Variants in DDC observed in about 807,000 individuals in gnomAD.
DDC encodes aromatic-L-amino-acid decarboxylase.
DDC carries 43 observed loss-of-function variants against 60.0 expected under a neutral mutation model. The ratio of observed to expected loss-of-function variants is 0.72; its 90% CI spans 0.56 to 0.92. The LOEUF is 0.92. Among genes scored for constraint, DDC ranks in the 40% least tolerant of loss-of-function variants. The probability of loss-of-function intolerance (pLI) is 0.00; values close to 1 mark genes in which losing one functional copy is unlikely to be tolerated. For missense variants in DDC, 573 were observed against 620.2 expected (o/e 0.92, Z 0.81); for synonymous variants, 232 against 234.6 (o/e 0.99, Z 0.10).
chr7:50,463,416 TC>T lies in DDC; in HGVS notation c.1257del (p.Asn420MetfsTer8). On this transcript the variant is annotated frameshift_variant, in exon 14 of 15. Coordinates refer to ENST00000444124, the MANE Select transcript of DDC (RefSeq NM_001082971.2). LOFTEE classifies it high-confidence loss of function. ...VCFRLKGSNK[V>X]NEALLQRINS... is the part of the protein sequence containing the mutation. Reference sequence around the variant, plus strand: ...TTTATTCTTTGCAGAAGAGCTTCATTCACTTTGTTGGAACCCTGGAGGGATT... The same window carrying T: ...TTTATTCTTTGCAGAAGAGCTTCATTACTTTGTTGGAACCCTGGAGGGATT... The T allele has an allele frequency of 6.2e-7, 1 of 1,614,130 alleles. No individual in the cohort carries two copies. The highest frequency in any genetic ancestry group is 2.2e-5 in the East Asian group (1 of 44,882).
At position 50,524,913 on chromosome 7, in the gene DDC, T is replaced by C. The variant is rs893192235; in HGVS notation, c.714+3224A>G. 5.3e-5 allele frequency among the ~76,000 whole-genome samples: 8 copies of C among 152,062 alleles called. No individual in the cohort carries two copies. The South Asian group carries it at 1.7e-3, about 32-fold the overall frequency. Reference sequence around the variant, plus strand: ...TGCATTATTTGTAATAGCCAAAATATGGAAACAACTACAATGCCCCTCAAC... The same window carrying C: ...TGCATTATTTGTAATAGCCAAAATACGGAAACAACTACAATGCCCCTCAAC... On this transcript the variant is annotated intron_variant, in intron 6 of 14. Transcript: ENST00000444124.
At chr7:50,515,529 CA>C (rs1179162731) in intron 6 of DDC, among the ~76,000 whole-genome samples, 3 of 152,042 alleles carry the variant, frequency 2.0e-5, no homozygotes, top group East Asian at 1.9e-4. Flanking sequence ...AACAAACAAA[CA>C]AAAAAAGTAC....
At chr7:50,535,784 C>G (rs1364318260) in intron 4 of DDC, among the ~76,000 whole-genome samples, 1 of 152,216 alleles carries the variant, frequency 6.6e-6, no homozygotes, top group Non-Finnish European at 1.5e-5. Context: ...GAATCTGTGA[C>G]TGTTTCCCTT....
intron 4 of DDC, among the ~76,000 whole-genome samples, chr7:50,536,573 G>C (rs1335291885): frequency 6.6e-6 from 1 of 152,222 alleles, no homozygotes; most frequent in Non-Finnish European, 1.5e-5. Flanking sequence ...AAGAGGCAAG[G>C]AAGCAGATTC....
intron 6 of DDC, among the ~76,000 whole-genome samples, chr7:50,505,251 T>C (rs1351805007): frequency 6.6e-6 from 1 of 152,248 alleles, no homozygotes; most frequent in African/African-American, 2.4e-5. Flanking sequence ...TGCTGGACAT[T>C]GCATAGATGC....
intron 6 of DDC, among the ~76,000 whole-genome samples, chr7:50,513,659 C>T (rs2043647719): frequency 6.6e-6 from 1 of 152,054 alleles, no homozygotes; most frequent in Admixed American, 6.5e-5. Context: ...GAGACAGGCC[C>T]TTCGGTTTGT....
At chr7:50,508,448 C>G (rs182215149) in intron 6 of DDC, among the ~76,000 whole-genome samples, 1 of 152,364 alleles carries the variant, frequency 6.6e-6, no homozygotes, top group East Asian at 1.9e-4. Context: ...GCCCCTTCGA[C>G]TAGCCCTCTG....
intron 9 of DDC, among the ~76,000 whole-genome samples, chr7:50,488,231 A>AAAATAAT (rs2042926820): frequency 1.3e-5 from 2 of 152,158 alleles, no homozygotes; most frequent in South Asian, 4.1e-4. Flanking sequence ...AACATTAAAC[A>AAAATAAT]AAATAATAGA....
chr7:50,534,882 G>C (rs1214264621), intron 4 of DDC, among the ~76,000 whole-genome samples: 4 of 152,172 alleles, frequency 2.6e-5, no homozygotes, highest in Admixed American at 1.3e-4. Context: ...CCTCACCAAG[G>C]CAAAGTGCAG....
At position 50,498,204 on chromosome 7, in the gene DDC, C is replaced by A. The variant is rs141242013; in HGVS notation, c.876+944G>T. On this transcript the variant is annotated intron_variant, in intron 8 of 14. Transcript: ENST00000444124. The stretch of plus-strand genomic sequence containing the variant: ...GAGGATAGGGAGGATATCTAACTCG[C>A]CCAAGGGTACACAGCTAGTCTTAAG... 8.5e-4 allele frequency among the ~76,000 whole-genome samples: 130 copies of A among 152,348 alleles called. 1 individual carries two copies. Among genetic ancestry groups the A allele is most frequent in the African/African-American group, 2.9e-3 (121 of 41,582 alleles).
At chr7:50,495,561 G>A in intron 8 of DDC, 144 bp from the exon 9 acceptor site, 1 of 697,274 alleles carries the variant, frequency 1.4e-6, no homozygotes. Context: ...CAGGGGAGTA[G>A]TAACTTGTAG....
At chr7:50,486,723 T>G (rs1248829895) in intron 9 of DDC, among the ~76,000 whole-genome samples, 1 of 152,196 alleles carries the variant, frequency 6.6e-6, no homozygotes, top group East Asian at 1.9e-4. Flanking sequence ...TGGTGGGGAC[T>G]TTGAAAGGCA....
At chr7:50,535,749 C>A (rs1017684559) in intron 4 of DDC, among the ~76,000 whole-genome samples, 1 of 152,218 alleles carries the variant, frequency 6.6e-6, no homozygotes. Flanking sequence ...CCCTCATTCC[C>A]AGAGATTTCA....
chr7:50,477,737 G>A, intron 10 of DDC: 1 of 328,210 alleles, frequency 3.0e-6, no homozygotes, highest in South Asian at 2.3e-5. Flanking sequence ...AAGTCATACA[G>A]CCTATCTCAA....
chr7:50,539,873 C>T (rs1384175712), intron 3 of DDC, 42 bp downstream of exon 3: 1 of 1,508,802 alleles, frequency 6.6e-7, no homozygotes, highest in African/African-American at 1.4e-5. Flanking sequence ...CGGGATCCCA[C>T]CACAGCCAGG....
intron 8 of DDC, among the ~76,000 whole-genome samples, chr7:50,497,706 T>C (rs1037351): frequency 0.3 from 45,098 of 151,976 alleles, 6,950 homozygotes; most frequent in South Asian, 0.32. Flanking sequence ...CTATACCCTC[T>C]CTCCAGTGCG....
At chr7:50,486,087 A>G (rs1421529643) in intron 9 of DDC, among the ~76,000 whole-genome samples, 1 of 152,186 alleles carries the variant, frequency 6.6e-6, no homozygotes, top group East Asian at 1.9e-4. Context: ...ATTCGAGACT[A>G]CTTCCAGTGT....
chr7:50,471,876 T>C (rs1161356060), intron 11 of DDC, among the ~76,000 whole-genome samples: 2 of 152,180 alleles, frequency 1.3e-5, no homozygotes, highest in Non-Finnish European at 2.9e-5. Flanking sequence ...GACGCTTCCC[T>C]GCCATGGTTC....
Position 50,476,623 on chromosome 7 carries a change from C to T in DDC, c.1041+1G>A. On this transcript the variant is annotated splice_donor_variant, in intron 11 of 14. Coordinates refer to ENST00000444124, the MANE Select transcript of DDC (RefSeq NM_001082971.2). LOFTEE classifies it high-confidence loss of function. ...AGATTACAGTGGAATCTCCCACTTACCCGGTAGTCAGTGATAAGCCCTGGA... is the reference window on the plus strand; with the variant it reads ...AGATTACAGTGGAATCTCCCACTTATCCGGTAGTCAGTGATAAGCCCTGGA... 4.3e-6 allele frequency: 7 copies of T among 1,612,484 alleles called. No homozygotes were observed. The highest frequency in any genetic ancestry group is 2.2e-5 in the South Asian group (2 of 91,054).
Sources: allele counts gnomAD v4.1 joint callset (sites outside exome capture counted in the v4.1 genomes callset), GRCh38; gene constraint gnomAD v4.1.1; transcripts MANE v1.5; gene names NCBI Gene and HGNC (gene_info 2026-07-23, HGNC 2026-07-21).